Variants in CMSS1 observed in about 807,000 individuals in gnomAD.
CMSS1 encodes cms1 ribosomal small subunit homolog.
Under a neutral mutation model 43.5 loss-of-function variants are expected in CMSS1, and 33 were observed. The ratio of observed to expected loss-of-function variants is 0.76; its 90% CI spans 0.57 to 1.01. CMSS1 has a LOEUF of 1.01. Among genes scored for constraint, CMSS1 ranks in the 50% least tolerant of loss-of-function variants. The pLI is 0.00. For synonymous variants in CMSS1, 115 were observed against 117.2 expected (o/e 0.98, Z 0.12); for missense variants, 313 against 326.4 (o/e 0.96, Z 0.32).
intron 1 of CMSS1, among the ~76,000 whole-genome samples, chr3:99,900,597 T>G (rs1193367907): frequency 6.6e-6 from 1 of 152,210 alleles, no homozygotes; most frequent in Non-Finnish European, 1.5e-5. Flanking sequence ...TTCATAAAAG[T>G]TATTTGTTCC....
At chr3:99,837,855 G>A (rs1942964184) in intron 1 of CMSS1, among the ~76,000 whole-genome samples, 1 of 152,194 alleles carries the variant, frequency 6.6e-6, no homozygotes, top group Non-Finnish European at 1.5e-5. Flanking sequence ...CTAAGTTGGT[G>A]GTGCTTGTCT....
intron 1 of CMSS1, among the ~76,000 whole-genome samples, chr3:100,037,809 A>T (rs913305222): frequency 1.3e-5 from 2 of 152,054 alleles, no homozygotes; most frequent in South Asian, 4.1e-4. Context: ...TGATAACTTG[A>T]CCTCCAGTAC....
At chr3:100,151,136 C>G (rs888011637) in intron 2 of CMSS1, among the ~76,000 whole-genome samples, 1 of 152,196 alleles carries the variant, frequency 6.6e-6, no homozygotes, top group Admixed American at 6.5e-5. Context: ...CTCTTCATCT[C>G]CAAGATTATG....
chr3:99,851,044 A>G, intron 1 of CMSS1: 3 of 1,594,948 alleles, frequency 1.9e-6, no homozygotes, highest in Non-Finnish European at 2.6e-6. Flanking sequence ...CTGAGACTTG[A>G]TTTCTTGATC....
intron 1 of CMSS1, among the ~76,000 whole-genome samples, chr3:99,905,580 T>G (rs932018135): frequency 6.6e-6 from 1 of 152,238 alleles, no homozygotes; most frequent in African/African-American, 2.4e-5. Flanking sequence ...TGTGCACAAA[T>G]ATTAAGCATA....
chr3:100,174,741 G>C (rs1401331614), intron 8 of CMSS1, among the ~76,000 whole-genome samples: 1 of 152,148 alleles, frequency 6.6e-6, no homozygotes, highest in Non-Finnish European at 1.5e-5. Context: ...TATATAAGGA[G>C]AGTTTTCAGA....
intron 1 of CMSS1, among the ~76,000 whole-genome samples, chr3:99,995,033 G>T (rs561311575): frequency 6.6e-6 from 1 of 152,158 alleles, no homozygotes; most frequent in South Asian, 2.1e-4. Flanking sequence ...AACCAATCAT[G>T]CCTTCCCAAC....
At chr3:100,093,273 G>C (rs907716287) in intron 1 of CMSS1, among the ~76,000 whole-genome samples, 2 of 152,002 alleles carry the variant, frequency 1.3e-5, no homozygotes, top group African/African-American at 4.8e-5. Flanking sequence ...GATGTCTTCT[G>C]TAACTTTTTA....
intron 1 of CMSS1, among the ~76,000 whole-genome samples, chr3:99,872,269 CTGTGTGTGTGTGTG>C (rs55727823): frequency 0.021 from 2,321 of 110,816 alleles, 31 homozygotes; most frequent in Non-Finnish European, 0.022. Flanking sequence ...TGTGCCAGGA[CTGTGTGTGTGTGTG>C]TGTGTGTGTG....
chr3:99,819,636 T>G (rs1488032282), intron 1 of CMSS1, among the ~76,000 whole-genome samples: 1 of 152,230 alleles, frequency 6.6e-6, no homozygotes, highest in African/African-American at 2.4e-5. Context: ...GTGATTGATT[T>G]TGAAAGTCAC....
At chr3:99,881,231 G>A (rs1055332121) in intron 1 of CMSS1, among the ~76,000 whole-genome samples, 19 of 152,122 alleles carry the variant, frequency 1.2e-4, no homozygotes, top group African/African-American at 1.9e-4. Context: ...GTAATGTGAC[G>A]CCACTGTAAG....
intron 1 of CMSS1, among the ~76,000 whole-genome samples, chr3:99,950,919 G>A (rs758311209): frequency 6.6e-6 from 1 of 152,108 alleles, no homozygotes; most frequent in African/African-American, 2.4e-5. Flanking sequence ...CTGGAGGGAG[G>A]GGAAGGCTGT....
intron 1 of CMSS1, among the ~76,000 whole-genome samples, chr3:100,139,359 C>T (rs2066783359): frequency 6.6e-6 from 1 of 151,622 alleles, no homozygotes; most frequent in African/African-American, 2.4e-5. Flanking sequence ...AAAAAAAAAC[C>T]CTTGAAACAT....
chr3:100,171,946 G>C (rs997384009), intron 7 of CMSS1, 47 bp downstream of exon 7: 1 of 1,432,682 alleles, frequency 7.0e-7, no homozygotes, highest in African/African-American at 1.4e-5. Context: ...CCAGACCTCA[G>C]CTTTTTTCCT....
chr3:99,823,961 C>CA (rs2107476469), intron 1 of CMSS1, among the ~76,000 whole-genome samples: 1 of 149,272 alleles, frequency 6.7e-6, no homozygotes, highest in East Asian at 2.0e-4. Context: ...CTCGCCCTGT[C>CA]ACCCAGGCTA....
At chr3:100,177,673 CCTT>C (rs1243089764) in intron 9 of CMSS1, among the ~76,000 whole-genome samples, 1 of 152,190 alleles carries the variant, frequency 6.6e-6, no homozygotes, top group Non-Finnish European at 1.5e-5. Context: ...AGTACCTCCT[CCTT>C]CATTTATATA....
intron 8 of CMSS1, among the ~76,000 whole-genome samples, chr3:100,173,632 G>A (rs867726216): frequency 1.3e-5 from 2 of 152,364 alleles, no homozygotes; most frequent in Middle Eastern, 3.4e-3. Context: ...TGAATCTGCA[G>A]GGCAGGGTCT....
intron 1 of CMSS1, among the ~76,000 whole-genome samples, chr3:99,886,788 A>G (rs1056785923): frequency 1.3e-5 from 2 of 151,218 alleles, no homozygotes; most frequent in Non-Finnish European, 2.9e-5. Context: ...ACCCATCCCT[A>G]CTAGAAACCA....
chr3:99,856,898 A>G (rs945593779), intron 1 of CMSS1, among the ~76,000 whole-genome samples: 5 of 152,234 alleles, frequency 3.3e-5, no homozygotes, highest in African/African-American at 1.2e-4. Flanking sequence ...TCTAAATGCT[A>G]TAATACCAGT....
Sources: gnomAD v4.1 joint callset for allele counts (sites outside exome capture counted in the v4.1 genomes callset) on GRCh38, gnomAD v4.1.1 for gene constraint, MANE v1.5 for transcripts, NCBI Gene and HGNC (gene_info 2026-07-23, HGNC 2026-07-21) for gene names.